KIAA1217: variants seen among roughly 807,000 people sequenced by gnomAD.
KIAA1217 encodes the protein KIAA1217.
KIAA1217 carries 88 observed loss-of-function variants against 163.9 expected under a neutral mutation model. The observed-to-expected ratio is 0.54, with a 90% CI of 0.45 to 0.64. The LOEUF (loss-of-function observed/expected upper bound fraction) is 0.64, where lower values mean the gene tolerates loss of function less well. Among genes scored for constraint, KIAA1217 ranks in the 30% least tolerant of loss-of-function variants. The probability of loss-of-function intolerance (pLI) is 0.00; values close to 1 mark genes in which losing one functional copy is unlikely to be tolerated. For missense variants in KIAA1217, 2,372 were observed against 2,475.0 expected (o/e 0.96, Z 0.88); for synonymous variants, 903 against 923.1 (o/e 0.98, Z 0.39).
At chr10:24,360,195 C>T (rs185151185) in intron 2 of KIAA1217, among the ~76,000 whole-genome samples, 8 of 151,894 alleles carry the variant, frequency 5.3e-5, no homozygotes, top group South Asian at 4.2e-4. Context: ...TACAGGCACA[C>T]GCCACCATAC....
intron 14 of KIAA1217, among the ~76,000 whole-genome samples, chr10:24,531,589 A>G (rs2073134876): frequency 6.6e-6 from 1 of 152,214 alleles, no homozygotes; most frequent in Admixed American, 6.5e-5. Context: ...AGAGGAAAGT[A>G]TATTATACTA....
At chr10:24,322,301 C>T (rs549049984) in intron 2 of KIAA1217, among the ~76,000 whole-genome samples, 1 of 152,288 alleles carries the variant, frequency 6.6e-6, no homozygotes, top group East Asian at 1.9e-4. Flanking sequence ...TGGGCTCCAC[C>T]ATAGAAATTC....
chr10:24,317,734 C>G (rs1418124630), intron 2 of KIAA1217, among the ~76,000 whole-genome samples: 1 of 152,208 alleles, frequency 6.6e-6, no homozygotes, highest in Non-Finnish European at 1.5e-5. Flanking sequence ...TAGGCTTTCT[C>G]TGTTCACGGC....
chr10:24,183,930 T>C (rs2066300460), intron 2 of KIAA1217, among the ~76,000 whole-genome samples: 1 of 152,182 alleles, frequency 6.6e-6, no homozygotes, highest in African/African-American at 2.4e-5. Context: ...TTCCCTCAAA[T>C]ACATTTCTTA....
intron 2 of KIAA1217, among the ~76,000 whole-genome samples, chr10:24,279,540 G>T (rs1265509036): frequency 6.6e-6 from 1 of 152,068 alleles, no homozygotes; most frequent in Non-Finnish European, 1.5e-5. Flanking sequence ...AAGGATTTTT[G>T]CAGAAGAGTC....
At chr10:23,863,866 A>G (rs887736876) in intron 1 of KIAA1217, among the ~76,000 whole-genome samples, 3 of 152,082 alleles carry the variant, frequency 2.0e-5, no homozygotes, top group Non-Finnish European at 4.4e-5. Flanking sequence ...CTCTGGCCAT[A>G]CTGAACTACT....
chr10:23,867,094 G>A (rs967459341), intron 1 of KIAA1217, among the ~76,000 whole-genome samples: 1 of 149,324 alleles, frequency 6.7e-6, no homozygotes, highest in African/African-American at 2.5e-5. Context: ...GTGAGAATAT[G>A]TGGTGTTTGG....
intron 2 of KIAA1217, among the ~76,000 whole-genome samples, chr10:24,151,707 GC>G (rs1351922613): frequency 6.6e-6 from 1 of 151,164 alleles, no homozygotes; most frequent in African/African-American, 2.4e-5. Flanking sequence ...ACCACGGAAG[GC>G]CCCTTGCTAG....
At chr10:24,180,280 C>CTTTTTTTTT (rs34268461) in intron 2 of KIAA1217, among the ~76,000 whole-genome samples, 1 of 83,154 alleles carries the variant, frequency 1.2e-5, no homozygotes, top group Non-Finnish European at 2.3e-5. Context: ...CCTCAACCTT[C>CTTTTTTTTT]TTTTTTTTTT....
At chr10:24,319,236 G>A (rs935997252) in intron 2 of KIAA1217, among the ~76,000 whole-genome samples, 2 of 152,048 alleles carry the variant, frequency 1.3e-5, no homozygotes, top group Non-Finnish European at 2.9e-5. Context: ...AAATTAGCTA[G>A]GTGTGGTGGT....
At position 24,543,784 on chromosome 10, in the gene KIAA1217, A is replaced by C; in HGVS notation, c.4514A>C (p.Lys1505Thr). The C allele has an allele frequency of 6.2e-7, 1 of 1,613,714 alleles. No homozygotes were observed. The highest frequency in any genetic ancestry group is 8.5e-7 in the Non-Finnish European group (1 of 1,179,848). The change falls in exon 19 of 21, where the codon AAG (lysine) becomes ACG (threonine). Residue 1505 changes from lysine (K) to threonine (T), a missense_variant. Coordinates refer to ENST00000376454, the MANE Select transcript of KIAA1217 (RefSeq NM_019590.5). ...NNNTSQMSHK[K>T]VAPGNLRTGQ... ...AACACTTCCCAGATGTCTCATAAGA[A>C]GGTGGCCCCAGGCAATCTTAGAACC...
intron 2 of KIAA1217, among the ~76,000 whole-genome samples, chr10:24,305,993 A>G (rs1163354771): frequency 7.9e-5 from 12 of 152,158 alleles, no homozygotes; most frequent in Admixed American, 1.3e-4. Context: ...TGTGGTACCA[A>G]TGGTCTTACT....
intron 1 of KIAA1217, among the ~76,000 whole-genome samples, chr10:23,856,850 T>A (rs984027222): frequency 6.6e-6 from 1 of 152,246 alleles, no homozygotes; most frequent in Non-Finnish European, 1.5e-5. Context: ...CGCCTTTTTT[T>A]AAGCCCATCG....
At chr10:24,406,383 TCACACACAAACACA>T (rs1158120028) in intron 3 of KIAA1217, among the ~76,000 whole-genome samples, 22 of 125,348 alleles carry the variant, frequency 1.8e-4, no homozygotes, top group Admixed American at 6.6e-4. Flanking sequence ...AAAGGTACAT[TCACACACAAACACA>T]CACACACACA....
intron 2 of KIAA1217, among the ~76,000 whole-genome samples, chr10:24,033,976 A>C (rs1564624029): frequency 6.6e-6 from 1 of 152,226 alleles, no homozygotes; most frequent in Non-Finnish European, 1.5e-5. Flanking sequence ...CTAGGATATC[A>C]AGGCAATCTT....
intron 1 of KIAA1217, among the ~76,000 whole-genome samples, chr10:23,781,922 G>A (rs2130904289): frequency 6.6e-6 from 1 of 152,100 alleles, no homozygotes; most frequent in East Asian, 1.9e-4. Flanking sequence ...TGTTCCATTG[G>A]TCTATGTGTC....
At chr10:23,923,111 G>A (rs1030284383) in intron 1 of KIAA1217, among the ~76,000 whole-genome samples, 4 of 151,940 alleles carry the variant, frequency 2.6e-5, no homozygotes, top group Non-Finnish European at 4.4e-5. Flanking sequence ...CCTTCCCCCC[G>A]AGTCCCCAAA....
intron 5 of KIAA1217, among the ~76,000 whole-genome samples, chr10:24,442,228 G>A (rs2060555845): frequency 6.6e-6 from 1 of 151,962 alleles, no homozygotes; most frequent in African/African-American, 2.4e-5. Flanking sequence ...TAAATCATTG[G>A]TCTCCATGGC....
chr10:24,109,224 C>A (rs926795306), intron 2 of KIAA1217, among the ~76,000 whole-genome samples: 2 of 152,172 alleles, frequency 1.3e-5, no homozygotes, highest in African/African-American at 4.8e-5. Flanking sequence ...ACAAAACAAA[C>A]AAACGATGCC....
Sources: allele counts gnomAD v4.1 joint callset (sites outside exome capture counted in the v4.1 genomes callset), GRCh38; gene constraint gnomAD v4.1.1; transcripts MANE v1.5; gene names NCBI Gene and HGNC (gene_info 2026-07-23, HGNC 2026-07-21).